THOP1: variants seen among roughly 807,000 people sequenced by gnomAD.
THOP1 encodes thimet oligopeptidase.
In THOP1, 49 loss-of-function variants were observed where a neutral mutation model predicts 71.8. The observed-to-expected ratio is 0.68, with a 90% CI of 0.54 to 0.87. The LOEUF (loss-of-function observed/expected upper bound fraction) is 0.87, where lower values mean the gene tolerates loss of function less well. Among genes scored for constraint, THOP1 ranks in the 40% least tolerant of loss-of-function variants. The probability of loss-of-function intolerance (pLI) is 0.00; values close to 1 mark genes in which losing one functional copy is unlikely to be tolerated. For missense variants in THOP1, 843 were observed against 975.6 expected, an observed-to-expected ratio of 0.86 and a Z score of 1.81; for synonymous variants, 426 against 421.5, an observed-to-expected ratio of 1.01 and a Z score of -0.13.
chr19:2,804,769 G>T lies in THOP1; in HGVS notation c.590-247G>T. On this transcript the variant is annotated intron_variant, in intron 5 of 12. Coordinates refer to ENST00000307741, the MANE Select transcript of THOP1 (RefSeq NM_003249.5). The surrounding 1 kb of genome is among the most constrained non-coding windows in gnomAD (Gnocchi z 4.7). ...AGGATGCTGGGGGGTTTCCTGGTGG[G>T]GTTAGAGGCGGGACGTGAGAAACGT... The T allele has an allele frequency of 2.1e-6, 1 of 479,720 alleles. No homozygotes were observed. Among genetic ancestry groups the T allele is most frequent in the East Asian group, 3.9e-5 (1 of 25,906 alleles). 29.7% of individuals were successfully genotyped at this position (479,720 alleles called of 1,614,324 possible). A position where few individuals can be genotyped will look rare whatever the true frequency, so the allele number is the denominator to read the frequency against.
At chr19:2,792,772 G>A (rs1915917306) in intron 2 of THOP1, among the ~76,000 whole-genome samples, 1 of 151,992 alleles carries the variant, frequency 6.6e-6, no homozygotes, top group South Asian at 2.1e-4. Flanking sequence ...TCCTGCCTCA[G>A]CCTTCTAAGT....
rs1039247225 is a variant in THOP1, at chr19:2,794,757, G to A, written c.230-7G>A. On this transcript the variant is annotated splice_polypyrimidine_tract_variant and splice_region_variant and intron_variant, in intron 2 of 12. Coordinates refer to ENST00000307741, the MANE Select transcript of THOP1 (RefSeq NM_003249.5). ...CACACCTGTCTCCCTGGTCTCCCCT[G>A]TTTTAGTTCAGAGGAATATCCTTGA... The A allele has an allele frequency of 8.7e-6, 14 of 1,610,760 alleles. No individual in the cohort carries two copies. The African/African-American group carries it at 1.6e-4, about 18-fold the overall frequency.
At chr19:2,803,872 C>A (rs1255312200) in intron 5 of THOP1, among the ~76,000 whole-genome samples, 1 of 152,186 alleles carries the variant, frequency 6.6e-6, no homozygotes, top group Non-Finnish European at 1.5e-5. Flanking sequence ...ATCATTCTTT[C>A]CACCCTTGCC....
intron 2 of THOP1, among the ~76,000 whole-genome samples, chr19:2,793,196 A>C (rs1640269): frequency 0.28 from 43,233 of 151,828 alleles, 6,550 homozygotes; most frequent in East Asian, 0.5. Flanking sequence ...ACAAAAAAAA[A>C]CCCACACACT....
Position 2,811,657 on chromosome 19 carries a change from G to C in THOP1, c.1831G>C (p.Gly611Arg). 6.2e-7 allele frequency: 1 copy of C among 1,613,472 alleles called. No homozygotes were observed. The highest frequency in any genetic ancestry group is 8.5e-7 in the Non-Finnish European group (1 of 1,179,968). ...LAGGYDAQYY[G>R]YLWSEVYSMD... ...AGGTGGCTACGACGCCCAGTACTAC[G>C]GGTACCTGTGGAGCGAGGTGTATTC... The change falls in exon 12 of 13, where the codon GGG becomes CGG. Residue 611 changes from glycine (G) to arginine (R), a missense_variant. Transcript: ENST00000307741.
At chr19:2,787,435 CA>C (rs11329433) in intron 1 of THOP1, among the ~76,000 whole-genome samples, 4,049 of 152,302 alleles carry the variant, frequency 0.027, 164 homozygotes, top group African/African-American at 0.089. Flanking sequence ...CTGACGTCCA[CA>C]AGTTTTTCAA....
At chr19:2,807,175 G>T (rs952990963) in intron 7 of THOP1, 123 bp downstream of exon 7, 4 of 1,341,496 alleles carry the variant, frequency 3.0e-6, no homozygotes, top group Non-Finnish European at 4.0e-6. Flanking sequence ...GACTTCTGAC[G>T]CCTGCCCTGG....
At chr19:2,808,600 C>T (rs1916376181) in intron 9 of THOP1, among the ~76,000 whole-genome samples, 156 bp downstream of exon 9, 2 of 152,254 alleles carry the variant, frequency 1.3e-5, no homozygotes, top group Non-Finnish European at 2.9e-5. Context: ...GACTCCCTGT[C>T]ATGCCCGTGT....
Position 2,813,399 on chromosome 19 carries a change from G to C in THOP1, c.*123G>C. The C allele has an allele frequency of 1.6e-6, 2 of 1,244,764 alleles. No homozygotes were observed. Among genetic ancestry groups the C allele is most frequent in the South Asian group, 3.1e-5 (2 of 64,004 alleles). 77.1% of individuals were successfully genotyped at this position (1,244,764 alleles called of 1,614,324 possible). A position where few individuals can be genotyped will look rare whatever the true frequency, so the allele number is the denominator to read the frequency against. On this transcript the variant is annotated 3_prime_UTR_variant, in exon 13 of 13. Coordinates refer to ENST00000307741, the MANE Select transcript of THOP1 (RefSeq NM_003249.5). ...GGACTGGCAGGGTGGCTGAGCGGCT[G>C]TCTTGCCTCTTGTCATTGTCTGTCC...
rs1449015742 is a variant in THOP1 at position 2,805,583 on chromosome 19, C to T, written c.750+407C>T. Among the ~76,000 whole-genome samples the T allele has an allele frequency of 1.3e-5, 2 of 152,174 alleles. No homozygotes were observed. The highest frequency in any genetic ancestry group is 1.5e-5 in the Non-Finnish European group (1 of 68,040). ...CAGGTGGGTTGTGACTGGGCTATCT[C>T]GCTGTGACTGGCGTCAGACGGCCGT... On this transcript the variant is annotated intron_variant, in intron 6 of 12. Coordinates refer to ENST00000307741, the MANE Select transcript of THOP1 (RefSeq NM_003249.5). The surrounding 1 kb of genome is among the most constrained non-coding windows in gnomAD (Gnocchi z 6.6).
chr19:2,787,909 G>A (rs376022879), intron 1 of THOP1, among the ~76,000 whole-genome samples: 1 of 152,182 alleles, frequency 6.6e-6, no homozygotes, highest in Non-Finnish European at 1.5e-5. Flanking sequence ...ACCCTGGTGC[G>A]TATTCCTGCA....
chr19:2,809,935 C>T (rs551601897), intron 9 of THOP1: 125 of 292,748 alleles, frequency 4.3e-4, no homozygotes, highest in Non-Finnish European at 6.2e-4. Flanking sequence ...CACACACACA[C>T]GAGCAGGGAG....
intron 4 of THOP1, among the ~76,000 whole-genome samples, chr19:2,797,700 A>G (rs958205635): frequency 5.9e-5 from 9 of 152,110 alleles, no homozygotes; most frequent in African/African-American, 2.2e-4. Flanking sequence ...GATATTCACA[A>G]CTCACGATGG....
intron 5 of THOP1, among the ~76,000 whole-genome samples, chr19:2,800,484 G>A (rs973294311): frequency 3.9e-5 from 6 of 152,236 alleles, no homozygotes. Flanking sequence ...GCCCAGGCAG[G>A]CCGGAATATT....
At chr19:2,811,983 G>A in intron 12 of THOP1, 1 of 1,058,728 alleles carries the variant, frequency 9.4e-7, no homozygotes, top group African/African-American at 1.6e-5. Context: ...GCACCTGCTG[G>A]TCTTGGTGCG....
chr19:2,785,866 G>C (rs377404874), intron 1 of THOP1, among the ~76,000 whole-genome samples, 188 bp downstream of exon 1: 49 of 152,274 alleles, frequency 3.2e-4, no homozygotes, highest in African/African-American at 1.1e-3. Context: ...CTTTTCCAGC[G>C]CTTCATTCAT....
chr19:2,813,415 TTGTC>T lies in THOP1; in HGVS notation c.*144_*147del, dbSNP rs1411553790. 17 of 1,110,924 alleles carry T rather than the reference TTGTC, an allele frequency of 1.5e-5. No homozygotes were observed. The highest frequency in any genetic ancestry group is 2.1e-5 in the Non-Finnish European group (17 of 808,258). 68.8% of individuals were successfully genotyped at this position (1,110,924 alleles called of 1,614,324 possible). A position where few individuals can be genotyped will look rare whatever the true frequency, so the allele number is the denominator to read the frequency against. On this transcript the variant is annotated 3_prime_UTR_variant, in exon 13 of 13. Transcript: ENST00000307741. ...TGAGCGGCTGTCTTGCCTCTTGTCATTGTCTGTCCCCACCCGGTCGTGGCCCACC... is the reference window on the plus strand; with the variant it reads ...TGAGCGGCTGTCTTGCCTCTTGTCATTGTCCCCACCCGGTCGTGGCCCACC...
chr19:2,810,339 G>A lies in THOP1; in HGVS notation c.1491G>A (p.Glu497=). ...CCATGTTCAGCGGGACCCACGTGGA[G>A]CGGGACTTTGTGGAGGCGCCGTCGC... The part of the protein sequence containing the change: ...EFAMFSGTHV[E]RDFVEAPSQM... The change falls in exon 10 of 13, where the codon GAG becomes GAA. Residue 497 remains glutamate (E), a synonymous_variant. Transcript: ENST00000307741. The A allele has an allele frequency of 1.2e-6, 2 of 1,611,882 alleles. No individual in the cohort carries two copies. Among genetic ancestry groups the A allele is most frequent in the South Asian group, 1.1e-5 (1 of 91,010 alleles).
intron 9 of THOP1, 68 bp downstream of exon 9, chr19:2,808,512 C>T: frequency 6.8e-7 from 1 of 1,479,426 alleles, no homozygotes; most frequent in Non-Finnish European, 9.0e-7. Context: ...TCAGCGAGGC[C>T]CAAGCCTGGG....
Sources: gnomAD v4.1 joint callset for allele counts (sites outside exome capture counted in the v4.1 genomes callset) on GRCh38, gnomAD v4.1.1 for gene constraint, Gnocchi (gnomAD v3.1) non-coding constraint, MANE v1.5 for transcripts, NCBI Gene and HGNC (gene_info 2026-07-23, HGNC 2026-07-21) for gene names.